RRAGD: variants seen among roughly 807,000 people sequenced by gnomAD.
RRAGD encodes the protein Ras related GTP binding D, also known as ras-related GTP-binding protein D.
Under a neutral mutation model 35.5 loss-of-function variants are expected in RRAGD, and 12 were observed. The ratio of observed to expected loss-of-function variants is 0.34; its 90% CI spans 0.22 to 0.55. The LOEUF (loss-of-function observed/expected upper bound fraction) is 0.55. Ranked by LOEUF, RRAGD falls within the 20% of genes least tolerant of loss-of-function variation. RRAGD has a pLI of 0.91. For synonymous variants in RRAGD, 155 were observed against 178.9 expected, an observed-to-expected ratio of 0.87 and a Z score of 1.07; for missense variants, 324 against 490.1, an observed-to-expected ratio of 0.66 and a Z score of 3.20.
At chr6:89,373,882 G>T (rs1286005018) in intron 5 of RRAGD, among the ~76,000 whole-genome samples, 1 of 152,146 alleles carries the variant, frequency 6.6e-6, no homozygotes, top group Admixed American at 6.5e-5. Context: ...TTATTATCAT[G>T]GCTTTAATGA....
At chr6:89,369,745 C>T (rs1768825526) in intron 6 of RRAGD, among the ~76,000 whole-genome samples, 1 of 152,198 alleles carries the variant, frequency 6.6e-6, no homozygotes, top group Non-Finnish European at 1.5e-5. Flanking sequence ...TATCTTTGCA[C>T]ATTTCAAAAT....
At chr6:89,392,345 T>C (rs1045749776) in intron 1 of RRAGD, among the ~76,000 whole-genome samples, 1 of 151,936 alleles carries the variant, frequency 6.6e-6, no homozygotes, top group African/African-American at 2.4e-5. Context: ...CTGGGCATGG[T>C]GGCATGCAGC....
chr6:89,382,596 C>T (rs1582510113), intron 2 of RRAGD, among the ~76,000 whole-genome samples: 1 of 151,750 alleles, frequency 6.6e-6, no homozygotes, highest in South Asian at 2.1e-4. Flanking sequence ...TAAAATGAGG[C>T]CGGGCGCGGT....
intron 1 of RRAGD, among the ~76,000 whole-genome samples, chr6:89,403,637 T>C (rs1240748380): frequency 6.8e-6 from 1 of 147,840 alleles, no homozygotes; most frequent in Non-Finnish European, 1.5e-5. Flanking sequence ...CTTTTTTTTT[T>C]TTTTTTTTTG....
chr6:89,396,904 G>A (rs1018028374), intron 1 of RRAGD, among the ~76,000 whole-genome samples: 1 of 150,804 alleles, frequency 6.6e-6, no homozygotes, highest in African/African-American at 2.4e-5. Context: ...ACCATGTTCG[G>A]CTAATTTTGT....
intron 5 of RRAGD, among the ~76,000 whole-genome samples, chr6:89,375,740 A>C (rs1768923619): frequency 6.6e-6 from 1 of 152,228 alleles, no homozygotes; most frequent in Non-Finnish European, 1.5e-5. Flanking sequence ...GAAACCCCAG[A>C]GCCCACAAAC....
At chr6:89,369,939 C>T (rs1768828002) in intron 6 of RRAGD, among the ~76,000 whole-genome samples, 1 of 152,088 alleles carries the variant, frequency 6.6e-6, no homozygotes, top group South Asian at 2.1e-4. Context: ...GTTCATAAGG[C>T]CCCACATCCT....
At chr6:89,394,555 C>G (rs1218328931) in intron 1 of RRAGD, among the ~76,000 whole-genome samples, 3 of 152,136 alleles carry the variant, frequency 2.0e-5, no homozygotes, top group Admixed American at 2.0e-4. Context: ...CCCACTTAAT[C>G]CCTTTGAAAT....
At chr6:89,404,002 A>G (rs1025550012) in intron 1 of RRAGD, among the ~76,000 whole-genome samples, 6 of 152,146 alleles carry the variant, frequency 3.9e-5, no homozygotes, top group African/African-American at 1.2e-4. Flanking sequence ...GAAGACATCA[A>G]TGTGGCCTTT....
rs1344609997 is a variant in RRAGD at position 89,372,594 on chromosome 6, G to A, written c.903-9C>T. The A allele has an allele frequency of 2.0e-6, 3 of 1,505,072 alleles. No individual in the cohort carries two copies. The highest frequency in any genetic ancestry group is 8.8e-7 in the Non-Finnish European group (1 of 1,130,250). The allele number at this position is 1,505,072 out of a possible 1,614,324, so 93.2% of individuals were successfully genotyped here. The stretch of plus-strand genomic sequence containing the variant: ...CTCCATCTTCTTTGAGACTAAATGG[G>A]GACAGAAACCAAAACATGTGACCAT... On this transcript the variant is annotated splice_polypyrimidine_tract_variant and intron_variant, in intron 5 of 6. Coordinates refer to ENST00000369415, the MANE Select transcript of RRAGD (RefSeq NM_021244.5).
chr6:89,387,193 G>C lies in RRAGD; in HGVS notation c.444+102C>G, dbSNP rs1010523977. 82 of 1,165,064 alleles carry C rather than the reference G, an allele frequency of 7.0e-5. No homozygotes were observed. The African/African-American group carries it at 1.1e-3, about 16-fold the overall frequency. The allele number at this position is 1,165,064 out of a possible 1,614,324, so 72.2% of individuals were successfully genotyped here. ...AGCCCTGACCAAGAAACACTTGTTTGGTAGAAAGGCCTATTCCAGAGTTTA... is the reference window on the plus strand; with the variant it reads ...AGCCCTGACCAAGAAACACTTGTTTCGTAGAAAGGCCTATTCCAGAGTTTA... On this transcript the variant is annotated intron_variant, in intron 2 of 6. Transcript: ENST00000369415.
Position 89,400,262 on chromosome 6 carries a change from A to G in RRAGD, c.148+11584T>C, listed in dbSNP as rs970290556. On this transcript the variant is annotated intron_variant, in intron 1 of 6. Transcript: ENST00000369415. ...TTAAATAACAATAAAGAGATTTAAA[A>G]ACAAAAAACTAGAAAATATCGGAGC... 6.6e-5 allele frequency among the ~76,000 whole-genome samples: 10 copies of G among 152,270 alleles called. 1 individual carries two copies. Among genetic ancestry groups the G allele is most frequent in the Admixed American group, 6.5e-4 (10 of 15,298 alleles).
Position 89,372,533 on chromosome 6 carries a change from T to G in RRAGD, c.955A>C (p.Ile319Leu). 1 of 1,598,126 alleles carries G rather than the reference T, an allele frequency of 6.3e-7. No individual in the cohort carries two copies. Among genetic ancestry groups the G allele is most frequent in the Non-Finnish European group, 8.5e-7 (1 of 1,173,842 alleles). Residue 319 changes from isoleucine (I) to leucine (L), a missense_variant, in exon 6 of 7, where the codon ATA (isoleucine) becomes CTA (leucine). By Grantham distance (5) the Ile-to-Leu change is conservative (BLOSUM62 2). Transcript: ENST00000369415. ...TPYDKESTAI[I>L]KLNNTTVLYL... is the part of the protein sequence containing the mutation. Reference sequence around the variant, plus strand: ...AGCACGGTTGTATTATTAAGCTTTATGATGGCTGTGGATTCCTTGTCATAG... The same window carrying G: ...AGCACGGTTGTATTATTAAGCTTTAGGATGGCTGTGGATTCCTTGTCATAG...
Position 89,367,926 on chromosome 6 carries a change from G to T in RRAGD, c.*130C>A. 1 of 777,398 alleles carries T rather than the reference G, an allele frequency of 1.3e-6. No individual in the cohort carries two copies. The allele number at this position is 777,398 out of a possible 1,614,324, so 48.2% of individuals were successfully genotyped here. On this transcript the variant is annotated 3_prime_UTR_variant, in exon 7 of 7. Coordinates refer to ENST00000369415, the MANE Select transcript of RRAGD (RefSeq NM_021244.5). The stretch of plus-strand genomic sequence containing the variant: ...AAAGAGAAGATCAAGAGGGTTGCAG[G>T]AATTTTTTTTTTTTAACAACAAATC...
Position 89,411,736 on chromosome 6 carries a change from C to T in RRAGD, c.148+110G>A. 10 of 1,237,254 alleles carry T rather than the reference C, an allele frequency of 8.1e-6. No individual in the cohort carries two copies. The highest frequency in any genetic ancestry group is 8.8e-6 in the Non-Finnish European group (8 of 906,164). 76.6% of individuals were successfully genotyped at this position (1,237,254 alleles called of 1,614,324 possible). A position where few individuals can be genotyped will look rare whatever the true frequency, so the allele number is the denominator to read the frequency against. ...CCCCAAACCCTCAACTGGACCCGCTCCCCTGGACCCCCTCCAAGTCGGTGG... is the reference window on the plus strand; with the variant it reads ...CCCCAAACCCTCAACTGGACCCGCTTCCCTGGACCCCCTCCAAGTCGGTGG... On this transcript the variant is annotated intron_variant, in intron 1 of 6. Coordinates refer to ENST00000369415, the MANE Select transcript of RRAGD (RefSeq NM_021244.5). This position sits in a 1 kb window ranked among gnomAD's most constrained non-coding sequence, Gnocchi z 5.6.
chr6:89,396,639 G>C (rs1313700189), intron 1 of RRAGD, among the ~76,000 whole-genome samples: 1 of 150,592 alleles, frequency 6.6e-6, no homozygotes, highest in Non-Finnish European at 1.5e-5. Flanking sequence ...GGCTGGTCTT[G>C]AACTCCTGGG....
chr6:89,407,448 G>A lies in RRAGD; in HGVS notation c.148+4398C>T, dbSNP rs146524484. ...AGGTCAGGAGTTTAAGACCAGCCTG[G>A]TCAACATGGTGAAACCTCATCTCTA... is the stretch of plus-strand genomic sequence containing the variant. On this transcript the variant is annotated intron_variant, in intron 1 of 6. Coordinates refer to ENST00000369415, the MANE Select transcript of RRAGD (RefSeq NM_021244.5). Among the ~76,000 whole-genome samples the A allele has an allele frequency of 9.1e-3, 1,378 of 152,250 alleles. 18 individuals carry two copies. Among genetic ancestry groups the A allele is most frequent in the African/African-American group, 0.031 (1,301 of 41,538 alleles).
At position 89,399,244 on chromosome 6, in the gene RRAGD, A is replaced by G. The variant is rs546555701; in HGVS notation, c.149-11654T>C. Among the ~76,000 whole-genome samples, 8 of 152,312 alleles carry G rather than the reference A, an allele frequency of 5.3e-5. 1 individual carries two copies. In the South Asian group the frequency reaches 1.7e-3, roughly 32 times the overall value. Reference sequence around the variant, plus strand: ...CACCACTGTGAAGGGGGGAGGGAGTATGTATGCATGTTTACATACACAGAA... The same window carrying G: ...CACCACTGTGAAGGGGGGAGGGAGTGTGTATGCATGTTTACATACACAGAA... On this transcript the variant is annotated intron_variant, in intron 1 of 6. Transcript: ENST00000369415.
intron 1 of RRAGD, among the ~76,000 whole-genome samples, chr6:89,400,420 G>A (rs558056499): frequency 6.6e-6 from 1 of 152,118 alleles, no homozygotes; most frequent in African/African-American, 2.4e-5. Flanking sequence ...GTAGGCCATG[G>A]CTTTACATCA....
Sources: gnomAD v4.1 joint callset for allele counts (sites outside exome capture counted in the v4.1 genomes callset) on GRCh38, gnomAD v4.1.1 for gene constraint, Gnocchi (gnomAD v3.1) non-coding constraint, MANE v1.5 for transcripts, NCBI Gene and HGNC (gene_info 2026-07-23, HGNC 2026-07-21) for gene names.